FRYL: variants seen among roughly 807,000 people sequenced by gnomAD.
FRYL encodes protein furry homolog-like.
FRYL carries 150 observed loss-of-function variants against 351.2 expected under a neutral mutation model. The ratio of observed to expected loss-of-function variants is 0.43; its 90% CI spans 0.37 to 0.49. FRYL has a LOEUF of 0.49. Among genes scored for constraint, FRYL ranks in the 20% least tolerant of loss-of-function variants. The probability of loss-of-function intolerance (pLI) is 0.00; values close to 1 mark genes in which losing one functional copy is unlikely to be tolerated. For missense variants in FRYL, 3,036 were observed against 3,619.3 expected (o/e 0.84, Z 4.13); for synonymous variants, 1,153 against 1,257.1 (o/e 0.92, Z 1.75).
rs186776495 is a variant in FRYL, at chr4:48,674,268, T to C, written c.-81+10405A>G. On this transcript the variant is annotated intron_variant, in intron 3 of 63. Transcript: ENST00000358350. ...AATATCTTCCTCCCACCAACATTTA[T>C]ACCTGAATATAGATAATATAAGTTC... Among the ~76,000 whole-genome samples the C allele has an allele frequency of 3.8e-4, 58 of 152,256 alleles. No homozygotes were observed. The East Asian group carries it at 0.011, about 28-fold the overall frequency.
rs549399414 is a variant in FRYL at position 48,592,049 on chromosome 4, A to C, written c.1336-1219T>G. ...ACGCATCCCAGTGGGTATGCAAGGTAGTTCAATGGAATACGGGAAGAAAAT... is the reference window on the plus strand; with the variant it reads ...ACGCATCCCAGTGGGTATGCAAGGTCGTTCAATGGAATACGGGAAGAAAAT... On this transcript the variant is annotated intron_variant, in intron 16 of 63. Coordinates refer to ENST00000358350, the MANE Select transcript of FRYL (RefSeq NM_015030.2). Among the ~76,000 whole-genome samples, 7 of 146,844 alleles carry C rather than the reference A, an allele frequency of 4.8e-5. No individual in the cohort carries two copies. The East Asian group carries it at 1.2e-3, about 25-fold the overall frequency.
intron 7 of FRYL, among the ~76,000 whole-genome samples, chr4:48,613,408 T>A (rs1157576812): frequency 6.6e-6 from 1 of 152,178 alleles, no homozygotes; most frequent in East Asian, 1.9e-4. Context: ...CCCCTGAGAA[T>A]AAAGGGAGAC....
intron 53 of FRYL, among the ~76,000 whole-genome samples, chr4:48,524,180 CTT>C (rs567950708): frequency 5.1e-5 from 7 of 137,706 alleles, no homozygotes; most frequent in Admixed American, 7.2e-5. Context: ...GTTTTCAAAT[CTT>C]TTTTTTTTTT....
intron 2 of FRYL, among the ~76,000 whole-genome samples, chr4:48,695,433 T>C (rs1025666746): frequency 2.0e-5 from 3 of 152,162 alleles, no homozygotes; most frequent in Non-Finnish European, 4.4e-5. Context: ...TCAATGCTAC[T>C]ATGTATCATT....
rs1424425394 is a variant in FRYL at position 48,567,364 on chromosome 4, T to C, written c.3053A>G (p.Tyr1018Cys). 1.9e-6 allele frequency: 3 copies of C among 1,611,794 alleles called. No homozygotes were observed. In the Admixed American group the frequency reaches 5.0e-5, roughly 27 times the overall value. ...CAGGAGTTGTCTAGTTAAATCTACA[T>C]ATTCCAATAAAGTGTTGTTGAGAAA... is the stretch of plus-strand genomic sequence containing the variant. ...THFLNNTLLE[Y>C]VDLTRQLLEA... is the part of the protein sequence containing the mutation. The change falls in exon 28 of 64, where the codon TAT becomes TGT. Residue 1018 changes from tyrosine (Y) to cysteine (C), a missense_variant. Transcript: ENST00000358350. This position sits in a 1 kb window ranked among gnomAD's most constrained non-coding sequence, Gnocchi z 4.2.
At chr4:48,582,400 T>C (rs2149166269) in intron 20 of FRYL, 97 bp downstream of exon 20, 1 of 771,082 alleles carries the variant, frequency 1.3e-6, no homozygotes, top group Non-Finnish European at 2.2e-6. Flanking sequence ...GAACTAATAA[T>C]ACTTTTAGTG....
At chr4:48,632,836 T>G (rs1410948069) in intron 4 of FRYL, among the ~76,000 whole-genome samples, 1 of 152,086 alleles carries the variant, frequency 6.6e-6, no homozygotes, top group Non-Finnish European at 1.5e-5. Context: ...ACTAAGAAAA[T>G]AAGAGCATTG....
chr4:48,640,238 A>G (rs891998474), intron 3 of FRYL, among the ~76,000 whole-genome samples: 2 of 152,202 alleles, frequency 1.3e-5, no homozygotes, highest in African/African-American at 4.8e-5. Flanking sequence ...CATAATTGTT[A>G]AAACTTGGAA....
At chr4:48,615,358 T>C (rs895791719) in intron 7 of FRYL, among the ~76,000 whole-genome samples, 1 of 152,212 alleles carries the variant, frequency 6.6e-6, no homozygotes, top group African/African-American at 2.4e-5. Context: ...TCCGTATACA[T>C]AAAAGATATC....
At chr4:48,581,044 ATTTT>A (rs755903429) in intron 21 of FRYL, 93 bp from the exon 22 acceptor site, 1,287 of 501,738 alleles carry the variant, frequency 2.6e-3, no homozygotes, top group South Asian at 4.0e-3. Flanking sequence ...CTTCAGCACT[ATTTT>A]TTTTTTTTTT....
At chr4:48,592,957 C>T (rs1368093762) in intron 16 of FRYL, among the ~76,000 whole-genome samples, 6 of 151,958 alleles carry the variant, frequency 3.9e-5, no homozygotes, top group African/African-American at 1.4e-4. Flanking sequence ...ACCTATTTTG[C>T]CTTTTTATAT....
chr4:48,525,122 TAG>T (rs1357956007), intron 53 of FRYL, among the ~76,000 whole-genome samples: 1 of 148,042 alleles, frequency 6.8e-6, no homozygotes, highest in African/African-American at 2.5e-5. Flanking sequence ...ATGCACAGCA[TAG>T]AGTTTGGATG....
At chr4:48,658,070 C>A (rs1446593403) in intron 3 of FRYL, among the ~76,000 whole-genome samples, 4 of 152,130 alleles carry the variant, frequency 2.6e-5, no homozygotes, top group African/African-American at 9.7e-5. Context: ...AGGAAAAATT[C>A]TTAGTAAATC....
chr4:48,637,997 G>A (rs1754585461), intron 3 of FRYL: 1 of 151,968 alleles, frequency 6.6e-6, no homozygotes, highest in Non-Finnish European at 1.5e-5. Flanking sequence ...ACAACATTCT[G>A]AATAGTAACA....
intron 3 of FRYL, among the ~76,000 whole-genome samples, chr4:48,673,718 G>A (rs1368710236): frequency 6.6e-6 from 1 of 152,164 alleles, no homozygotes; most frequent in African/African-American, 2.4e-5. Flanking sequence ...TAAGTTCCCA[G>A]GAATGTTTAA....
At chr4:48,506,619 TA>T (rs1195654551) in intron 59 of FRYL, 1 of 4,000 alleles carries the variant, frequency 2.5e-4, no homozygotes, top group African/African-American at 1.0e-3. Context: ...ACAACTAATA[TA>T]TATATATATA....
intron 1 of FRYL, among the ~76,000 whole-genome samples, chr4:48,750,685 T>A (rs1282793389): frequency 6.6e-6 from 1 of 152,088 alleles, no homozygotes; most frequent in African/African-American, 2.4e-5. Flanking sequence ...GAGTTACGGA[T>A]AATTGCAAGA....
intron 57 of FRYL, 134 bp downstream of exon 57, chr4:48,512,346 TA>T (rs1722652142): frequency 6.4e-6 from 4 of 629,192 alleles, no homozygotes; most frequent in Non-Finnish European, 5.6e-6. Context: ...ATGTAAGTAA[TA>T]CCATTAGCTT....
intron 50 of FRYL, among the ~76,000 whole-genome samples, chr4:48,528,842 C>T (rs1306699119): frequency 6.6e-6 from 1 of 152,134 alleles, no homozygotes; most frequent in African/African-American, 2.4e-5. Flanking sequence ...TATTACAAAT[C>T]TGATGTGTAA....
Sources: gnomAD v4.1 joint callset for allele counts (sites outside exome capture counted in the v4.1 genomes callset) on GRCh38, gnomAD v4.1.1 for gene constraint, Gnocchi (gnomAD v3.1) non-coding constraint, MANE v1.5 for transcripts, NCBI Gene and HGNC (gene_info 2026-07-23, HGNC 2026-07-21) for gene names.